The following OTUD4 variants were observed in gnomAD, a reference collection of about 807,000 sequenced individuals.
OTUD4 encodes the protein OTU deubiquitinase 4.
Under a neutral mutation model 130.4 loss-of-function variants are expected in OTUD4, and 24 were observed. That is an observed-to-expected ratio of 0.18 (90% CI 0.13 to 0.26). OTUD4 has a LOEUF of 0.26. Among genes scored for constraint, OTUD4 ranks in the 10% least tolerant of loss-of-function variants. The pLI is 1.00. For synonymous variants in OTUD4, 420 were observed against 472.5 expected, an observed-to-expected ratio of 0.89 and a Z score of 1.44; for missense variants, 1,031 against 1,329.4, an observed-to-expected ratio of 0.78 and a Z score of 3.49.
Position 145,135,256 on chromosome 4 carries a change from G to A in OTUD4, c.*2174C>T, listed in dbSNP as rs1009892294. The stretch of plus-strand genomic sequence containing the variant: ...GATATGGGAAACAGAAAGCAAATCA[G>A]TGTTTCCTTCAGGAGCTATATTCTG... On this transcript the variant is annotated 3_prime_UTR_variant, in exon 21 of 21. Coordinates refer to ENST00000447906, the MANE Select transcript of OTUD4 (RefSeq NM_001366057.1). 6.2e-6 allele frequency: 1 copy of A among 162,162 alleles called. No individual in the cohort carries two copies. Among genetic ancestry groups the A allele is most frequent in the Non-Finnish European group, 1.3e-5 (1 of 74,900 alleles). 10.0% of individuals were successfully genotyped at this position (162,162 alleles called of 1,614,324 possible). A position where few individuals can be genotyped will look rare whatever the true frequency, so the allele number is the denominator to read the frequency against.
In OTUD4 at chr4:145,142,356, G is replaced by A. The variant is rs942610226; in HGVS notation, c.1684-22C>T. 3.7e-6 allele frequency: 6 copies of A among 1,608,520 alleles called. No homozygotes were observed. In the African/African-American group the frequency reaches 6.7e-5, roughly 18 times the overall value. ...GCTTCTTCAAGAAAGGGGTGAGTGG[G>A]GGAAGACAGAAAAAGACAAGAGGTC... is the stretch of plus-strand genomic sequence containing the variant. On this transcript the variant is annotated intron_variant, in intron 17 of 20. Coordinates refer to ENST00000447906, the MANE Select transcript of OTUD4 (RefSeq NM_001366057.1).
At chr4:145,161,091 G>A (rs534510145) in intron 6 of OTUD4, among the ~76,000 whole-genome samples, 1 of 151,076 alleles carries the variant, frequency 6.6e-6, no homozygotes, top group East Asian at 2.0e-4. Flanking sequence ...GCCTAGGCGA[G>A]AGAGCAACAC....
rs551271865 is a variant in OTUD4, at chr4:145,143,372, G to A, written c.1676C>T (p.Ala559Val). 6.1e-5 allele frequency: 97 copies of A among 1,592,164 alleles called. No individual in the cohort carries two copies. The Middle Eastern group carries it at 1.0e-3, about 16-fold the overall frequency. Residue 559 changes from alanine to valine, a missense_variant, in exon 17 of 21, where the codon GCG becomes GTG. Transcript: ENST00000447906. ...KSKKLECPSP[A>V]EQKPAEHVSL... is the part of the protein sequence containing the mutation. ...ATGCAACAATATACTTACTTGTTCC[G>A]CAGGAGAAGGGCACTCTAACTTCTT...
rs36226333 is a variant in OTUD4, at chr4:145,143,314, C to A, written c.1683+51G>T. The A allele has an allele frequency of 1.1e-3, 1,319 of 1,167,816 alleles. 8 individuals are homozygous for A. In the African/African-American group the frequency reaches 0.015, roughly 13 times the overall value. The allele number at this position is 1,167,816 out of a possible 1,614,324, so 72.3% of individuals were successfully genotyped here. A position where few individuals can be genotyped will look rare whatever the true frequency, so the allele number is the denominator to read the frequency against. Reference sequence around the variant, plus strand: ...TTTAAATGACCCTATACACAGAGCACAGAAACCCAGAGAGTGGAGCATTCA... The same window carrying A: ...TTTAAATGACCCTATACACAGAGCAAAGAAACCCAGAGAGTGGAGCATTCA... On this transcript the variant is annotated intron_variant, in intron 17 of 20. Transcript: ENST00000447906.
intron 11 of OTUD4, among the ~76,000 whole-genome samples, chr4:145,151,316 A>G (rs1751057906): frequency 6.6e-6 from 1 of 152,154 alleles, no homozygotes; most frequent in South Asian, 2.1e-4. Flanking sequence ...CATTTTTTAA[A>G]AACATATTAG....
intron 5 of OTUD4, among the ~76,000 whole-genome samples, chr4:145,163,435 C>T (rs891949541): frequency 1.2e-4 from 18 of 152,052 alleles, no homozygotes; most frequent in East Asian, 5.8e-4. Context: ...GATAATGCAA[C>T]GACACCCTTG....
chr4:145,154,850 C>CG (rs1247995451), intron 10 of OTUD4, among the ~76,000 whole-genome samples: 58 of 98,148 alleles, frequency 5.9e-4, no homozygotes, highest in Non-Finnish European at 1.0e-3. Context: ...TGGTGGGGGG[C>CG]GGGGGGCAGA....
At chr4:145,140,840 T>C (rs1750521597) in intron 19 of OTUD4, among the ~76,000 whole-genome samples, 1 of 138,042 alleles carries the variant, frequency 7.2e-6, no homozygotes, top group South Asian at 2.5e-4. Flanking sequence ...TTACTAAGCA[T>C]ACTAGCATTA....
At chr4:145,162,861 A>G (rs1400996145) in intron 5 of OTUD4, 140 bp from the exon 6 acceptor site, 1 of 481,752 alleles carries the variant, frequency 2.1e-6, no homozygotes, top group Non-Finnish European at 3.7e-6. Context: ...CTAAAGCTTC[A>G]GTGTTGTCAA....
chr4:145,159,652 A>G lies in OTUD4; in HGVS notation c.497-17T>C. 1 of 1,610,354 alleles carries G rather than the reference A, an allele frequency of 6.2e-7. No homozygotes were observed. Among genetic ancestry groups the G allele is most frequent in the Non-Finnish European group, 8.5e-7 (1 of 1,178,196 alleles). On this transcript the variant is annotated splice_polypyrimidine_tract_variant and intron_variant, in intron 6 of 20. Transcript: ENST00000447906. The stretch of plus-strand genomic sequence containing the variant: ...AAAGGAGAGCTGCAATTAATGACAG[A>G]CAGATTTTCCAACATTAACTACAGG...
In OTUD4 at chr4:145,180,212, CA is replaced by C. The variant is rs1253254001; in HGVS notation, c.-240del. 6.0e-6 allele frequency: 1 copy of C among 165,874 alleles called. No homozygotes were observed. The highest frequency in any genetic ancestry group is 6.3e-5 in the Admixed American group (1 of 15,754). 10.3% of individuals were successfully genotyped at this position (165,874 alleles called of 1,614,324 possible). On this transcript the variant is annotated 5_prime_UTR_variant, in exon 1 of 21. Transcript: ENST00000447906. The stretch of plus-strand genomic sequence containing the variant: ...CGCCTCCTCGGAGCGAACACGCGCC[CA>C]CGACAAACGGGGGGAGCGGGATTAA...
At chr4:145,153,415 T>C (rs1751152375) in intron 10 of OTUD4, among the ~76,000 whole-genome samples, 1 of 152,150 alleles carries the variant, frequency 6.6e-6, no homozygotes, top group African/African-American at 2.4e-5. Flanking sequence ...GAGCTAATAA[T>C]AGTACCTACG....
At chr4:145,148,386 C>T (rs1750916260) in intron 13 of OTUD4, among the ~76,000 whole-genome samples, 1 of 151,962 alleles carries the variant, frequency 6.6e-6, no homozygotes, top group African/African-American at 2.4e-5. Context: ...ATAATCCCAG[C>T]TACTTGGGAG....
rs1368776154 is a variant in OTUD4, at chr4:145,139,880, G to A, written c.2124+71C>T. ...TAGGTTACTGACTGACAGGGTAAGA[G>A]TTAACACTAGTAATAATTTAAAACA... On this transcript the variant is annotated intron_variant, in intron 20 of 20. Coordinates refer to ENST00000447906, the MANE Select transcript of OTUD4 (RefSeq NM_001366057.1). 5.8e-6 allele frequency: 3 copies of A among 520,778 alleles called. No individual in the cohort carries two copies. In the Admixed American group the frequency reaches 1.2e-4, roughly 21 times the overall value. 32.3% of individuals were successfully genotyped at this position (520,778 alleles called of 1,614,324 possible). A position where few individuals can be genotyped will look rare whatever the true frequency, so the allele number is the denominator to read the frequency against.
intron 3 of OTUD4, chr4:145,170,984 G>A (rs958104916): frequency 2.6e-5 from 4 of 152,168 alleles, no homozygotes; most frequent in African/African-American, 7.2e-5. Context: ...TTCACGAGAT[G>A]ATCATGGAAA....
At chr4:145,160,089 T>C (rs1021517235) in intron 6 of OTUD4, among the ~76,000 whole-genome samples, 2 of 152,220 alleles carry the variant, frequency 1.3e-5, no homozygotes, top group Non-Finnish European at 2.9e-5. Flanking sequence ...TGCCCAATCT[T>C]AAGAGACTTA....
Position 145,135,045 on chromosome 4 carries a change from G to T in OTUD4, c.*2385C>A, listed in dbSNP as rs1750175207. On this transcript the variant is annotated 3_prime_UTR_variant, in exon 21 of 21. Coordinates refer to ENST00000447906, the MANE Select transcript of OTUD4 (RefSeq NM_001366057.1). ...TATCCTTAGTTTGACCTCAGCATAA[G>T]GCAAAATCCCCTGGACTAATACATT... 1 of 393,716 alleles carries T rather than the reference G, an allele frequency of 2.5e-6. No individual in the cohort carries two copies. Among genetic ancestry groups the T allele is most frequent in the East Asian group, 3.6e-5 (1 of 27,746 alleles). The allele number at this position is 393,716 out of a possible 1,614,324, so 24.4% of individuals were successfully genotyped here.
At chr4:145,164,868 G>C (rs562627134) in intron 4 of OTUD4, among the ~76,000 whole-genome samples, 1 of 152,184 alleles carries the variant, frequency 6.6e-6, no homozygotes, top group South Asian at 2.1e-4. Context: ...CTGACCCTGA[G>C]AAAGTAGAAA....
chr4:145,150,453 C>A, intron 13 of OTUD4, 60 bp downstream of exon 13: 1 of 1,152,576 alleles, frequency 8.7e-7, no homozygotes. Flanking sequence ...CATAATGTGG[C>A]AAATATAACA....
Sources: allele counts gnomAD v4.1 joint callset (sites outside exome capture counted in the v4.1 genomes callset), GRCh38; gene constraint gnomAD v4.1.1; transcripts MANE v1.5; gene names NCBI Gene and HGNC (gene_info 2026-07-23, HGNC 2026-07-21).